Variants in IFT81 observed in about 807,000 individuals in gnomAD.
IFT81 encodes the protein intraflagellar transport 81, also known as intraflagellar transport protein 81 homolog.
IFT81 carries 72 observed loss-of-function variants against 102.6 expected under a neutral mutation model. The ratio of observed to expected loss-of-function variants is 0.70; its 90% confidence interval spans 0.58 to 0.85. The LOEUF (loss-of-function observed/expected upper bound fraction) is 0.85, where lower values mean the gene tolerates loss of function less well. IFT81 is among the 40% of genes least tolerant of loss of function. IFT81 has a pLI of 0.00. For missense variants in IFT81, 723 were observed against 787.3 expected, an observed-to-expected ratio of 0.92 and a Z score of 0.98; for synonymous variants, 237 against 242.7, an observed-to-expected ratio of 0.98 and a Z score of 0.22.
intron 11 of IFT81, among the ~76,000 whole-genome samples, chr12:110,164,620 CT>C (rs1222942143): frequency 6.6e-6 from 1 of 152,184 alleles, no homozygotes; most frequent in Non-Finnish European, 1.5e-5. Flanking sequence ...CATAGTACCA[CT>C]TTTCTCTGTG....
At chr12:110,192,170 CAA>C (rs779420962) in intron 13 of IFT81, among the ~76,000 whole-genome samples, 36 of 117,768 alleles carry the variant, frequency 3.1e-4, no homozygotes, top group Admixed American at 4.4e-4. Flanking sequence ...GACTCTGTCT[CAA>C]AAAAAAAAAA....
At chr12:110,205,400 C>T (rs753709694) in intron 15 of IFT81, 43 bp from the exon 16 acceptor site, 1 of 1,545,736 alleles carries the variant, frequency 6.5e-7, no homozygotes, top group Non-Finnish European at 8.7e-7. Flanking sequence ...ATATCTGTCT[C>T]ATTCTTTCGA....
chr12:110,144,186 G>A (rs569255573), intron 9 of IFT81, among the ~76,000 whole-genome samples: 1 of 146,388 alleles, frequency 6.8e-6, no homozygotes, highest in Non-Finnish European at 1.5e-5. Context: ...CTAATTTTTT[G>A]TTGTTGTTGT....
At chr12:110,203,357 C>A (rs1293760967) in intron 14 of IFT81, 1 of 156,318 alleles carries the variant, frequency 6.4e-6, no homozygotes, top group Non-Finnish European at 1.4e-5. Context: ...AGCTTTCAAT[C>A]CTTTATACAT....
At chr12:110,212,031 G>A (rs1477389533) in intron 18 of IFT81, among the ~76,000 whole-genome samples, 2 of 151,964 alleles carry the variant, frequency 1.3e-5, no homozygotes, top group East Asian at 1.9e-4. Flanking sequence ...TTTAGCTACT[G>A]GTATGACTCA....
intron 10 of IFT81, among the ~76,000 whole-genome samples, chr12:110,147,299 G>A (rs997923202): frequency 1.3e-5 from 2 of 152,092 alleles, no homozygotes; most frequent in African/African-American, 4.8e-5. Flanking sequence ...AGAGCTATTT[G>A]TGTTTGTATC....
chr12:110,129,132 TAAAC>T lies in IFT81; in HGVS notation c.429+5_429+8del. 6.3e-7 allele frequency: 1 copy of T among 1,578,688 alleles called. No individual in the cohort carries two copies. Among genetic ancestry groups the T allele is most frequent in the African/African-American group, 1.4e-5 (1 of 72,802 alleles). Reference sequence around the variant, plus strand: ...ACTGTGGCTGACACCAATAAACAGGTAAACAATACATAAATGGTACATTGAAACT... The same window carrying T: ...ACTGTGGCTGACACCAATAAACAGGTAATACATAAATGGTACATTGAAACT... On this transcript the variant is annotated splice_donor_5th_base_variant and intron_variant, in intron 4 of 18. Transcript: ENST00000242591.
Position 110,203,901 on chromosome 12 carries a change from A to T in IFT81, c.1595A>T (p.Tyr532Phe). The T allele has an allele frequency of 1.2e-6, 2 of 1,613,718 alleles. No individual in the cohort carries two copies. Among genetic ancestry groups the T allele is most frequent in the Non-Finnish European group, 1.7e-6 (2 of 1,179,622 alleles). Residue 532 changes from tyrosine (Y) to phenylalanine (F), a missense_variant, in exon 15 of 19, where the codon TAT becomes TTT. By Grantham distance (22) the Tyr-to-Phe change is conservative (BLOSUM62 3). Coordinates refer to ENST00000242591, the MANE Select transcript of IFT81 (RefSeq NM_014055.4). ...GAGTGTGATGAAAAGAAATCCCAGT[A>T]TGATAGCTGTGCAGCAGGCCTCGAA... is the stretch of plus-strand genomic sequence containing the variant. ...TQECDEKKSQ[Y>F]DSCAAGLESN... is the part of the protein sequence containing the mutation.
intron 12 of IFT81, among the ~76,000 whole-genome samples, chr12:110,185,880 G>A (rs1432655160): frequency 6.6e-6 from 1 of 152,208 alleles, no homozygotes; most frequent in Non-Finnish European, 1.5e-5. Flanking sequence ...GATTACAGGT[G>A]TGAGCCACTG....
chr12:110,215,745 C>T (rs1199228499), intron 18 of IFT81, among the ~76,000 whole-genome samples: 1 of 151,710 alleles, frequency 6.6e-6, no homozygotes, highest in African/African-American at 2.4e-5. Context: ...TGTGTCTACT[C>T]TTGCTTTCAG....
At chr12:110,133,941 G>A (rs1015466573) in intron 5 of IFT81, among the ~76,000 whole-genome samples, 6 of 152,156 alleles carry the variant, frequency 3.9e-5, no homozygotes, top group African/African-American at 1.4e-4. Flanking sequence ...TTTCATGAAT[G>A]TTTTATTCGG....
chr12:110,178,085 ACT>A (rs1167137752), intron 11 of IFT81, among the ~76,000 whole-genome samples: 3 of 150,138 alleles, frequency 2.0e-5, no homozygotes, highest in African/African-American at 4.9e-5. Context: ...ACAGAGCGAG[ACT>A]CTGTCTCAAA....
In IFT81 at chr12:110,128,038, T is replaced by G; in HGVS notation, c.145-8T>G. ...ACAATAACATGTTTTTTTCAATTTC[T>G]TTGTTAGCAACTTGTGGATATCAGA... On this transcript the variant is annotated splice_polypyrimidine_tract_variant and splice_region_variant and intron_variant, in intron 2 of 18. Coordinates refer to ENST00000242591, the MANE Select transcript of IFT81 (RefSeq NM_014055.4). 2 of 1,592,174 alleles carry G rather than the reference T, an allele frequency of 1.3e-6. No individual in the cohort carries two copies. The highest frequency in any genetic ancestry group is 4.5e-5 in the East Asian group (2 of 44,768).
At chr12:110,208,928 T>G (rs1869044699) in intron 17 of IFT81, among the ~76,000 whole-genome samples, 1 of 152,222 alleles carries the variant, frequency 6.6e-6, no homozygotes, top group Admixed American at 6.5e-5. Context: ...ATTTAACATT[T>G]TAATTATCTT....
intron 13 of IFT81, among the ~76,000 whole-genome samples, 197 bp from the exon 14 acceptor site, chr12:110,192,420 T>C (rs1162930270): frequency 2.0e-5 from 3 of 152,216 alleles, no homozygotes; most frequent in African/African-American, 7.2e-5. Context: ...ACTGACGTTT[T>C]GAATGATTAA....
At chr12:110,215,447 C>T (rs1159441119) in intron 18 of IFT81, among the ~76,000 whole-genome samples, 4 of 111,092 alleles carry the variant, frequency 3.6e-5, no homozygotes, top group Admixed American at 9.2e-5. Flanking sequence ...TCTTCTTCTT[C>T]TTCTTCTTTT....
intron 10 of IFT81, among the ~76,000 whole-genome samples, chr12:110,158,655 T>A (rs1243815431): frequency 1.3e-5 from 2 of 152,112 alleles, no homozygotes; most frequent in Admixed American, 1.3e-4. Context: ...AGTGGCACTA[T>A]CTCGGCTCAC....
In IFT81 at chr12:110,143,547, TAA is replaced by T. The variant is rs761083847; in HGVS notation, c.945+3_945+4del. 45 of 1,538,066 alleles carry T rather than the reference TAA, an allele frequency of 2.9e-5. No homozygotes were observed. The highest frequency in any genetic ancestry group is 1.7e-6 in the Non-Finnish European group (2 of 1,154,240). ...GATCTTCTTGAACTTGAATCTAAAG[TAA>T]GTGAGAATCATCTTTTTATAGCTCT... On this transcript the variant is annotated splice_donor_region_variant and intron_variant, in intron 9 of 18. Coordinates refer to ENST00000242591, the MANE Select transcript of IFT81 (RefSeq NM_014055.4).
At chr12:110,202,750 C>A (rs1265342126) in intron 14 of IFT81, among the ~76,000 whole-genome samples, 2 of 152,176 alleles carry the variant, frequency 1.3e-5, no homozygotes, top group Non-Finnish European at 2.9e-5. Context: ...CCATGCCCAG[C>A]AGACTCCACC....
Sources: gnomAD v4.1 joint callset for allele counts (sites outside exome capture counted in the v4.1 genomes callset) on GRCh38, gnomAD v4.1.1 for gene constraint, MANE v1.5 for transcripts, NCBI Gene and HGNC (gene_info 2026-07-23, HGNC 2026-07-21) for gene names.